The following TRIM58 variants were observed in gnomAD, a reference collection of about 807,000 sequenced individuals.
The protein encoded by TRIM58 is E3 ubiquitin-protein ligase TRIM58.
In TRIM58, 38 loss-of-function variants were observed where a neutral mutation model predicts 34.1. The observed-to-expected ratio is 1.12, with a 90% confidence interval of 0.86 to 1.46. The LOEUF (loss-of-function observed/expected upper bound fraction) is 1.46. TRIM58 is among the 40% of genes most tolerant of loss of function. The pLI is 0.00. For missense variants in TRIM58, 677 were observed against 642.0 expected (o/e 1.05, Z -0.59); for synonymous variants, 273 against 275.7 (o/e 0.99, Z 0.10).
chr1:247,863,970 C>T (rs892675344), intron 2 of TRIM58, among the ~76,000 whole-genome samples: 1 of 152,090 alleles, frequency 6.6e-6, no homozygotes, highest in Non-Finnish European at 1.5e-5. Flanking sequence ...TTCATATTTT[C>T]TCATCTCTCA....
At chr1:247,869,567 TC>T (rs1664012013) in intron 5 of TRIM58, among the ~76,000 whole-genome samples, 1 of 152,196 alleles carries the variant, frequency 6.6e-6, no homozygotes, top group Non-Finnish European at 1.5e-5. Flanking sequence ...AATATATACT[TC>T]CCAGTGTCAT....
intron 5 of TRIM58, among the ~76,000 whole-genome samples, chr1:247,872,341 G>A (rs1259134571): frequency 6.6e-6 from 1 of 152,148 alleles, no homozygotes; most frequent in Admixed American, 6.6e-5. Context: ...ATGTTATTAC[G>A]GAAGGTGCCG....
At chr1:247,857,803 C>A (rs981743689) in intron 1 of TRIM58, 137 bp downstream of exon 1, 3 of 1,149,202 alleles carry the variant, frequency 2.6e-6, no homozygotes, top group East Asian at 3.7e-5. Flanking sequence ...CCGTCCCCCC[C>A]GCCCACGCGG....
chr1:247,868,762 A>G (rs762248994), intron 5 of TRIM58, among the ~76,000 whole-genome samples: 1 of 152,206 alleles, frequency 6.6e-6, no homozygotes, highest in Non-Finnish European at 1.5e-5. Context: ...AGGGCGTTAC[A>G]GAGGCTAGAG....
chr1:247,857,250 G>A lies in TRIM58; in HGVS notation c.4G>A (p.Ala2Thr), dbSNP rs755940222. 9.8e-6 allele frequency: 13 copies of A among 1,324,656 alleles called. No individual in the cohort carries two copies. Among genetic ancestry groups the A allele is most frequent in the Middle Eastern group, 2.5e-4 (1 of 3,942 alleles). The allele number at this position is 1,324,656 out of a possible 1,614,324, so 82.1% of individuals were successfully genotyped here. M[A>T]WAPPGERLRE... Reference sequence around the variant, plus strand: ...GCAGCCCTCCGGGAGGCGGGTCATGGCCTGGGCGCCGCCCGGGGAGCGGCT... The same window carrying A: ...GCAGCCCTCCGGGAGGCGGGTCATGACCTGGGCGCCGCCCGGGGAGCGGCT... Residue 2 changes from alanine (A) to threonine (T), a missense_variant, in exon 1 of 6, where the codon GCC becomes ACC. Transcript: ENST00000366481.
intron 2 of TRIM58, among the ~76,000 whole-genome samples, chr1:247,861,315 T>G (rs764571170): frequency 6.6e-6 from 1 of 152,108 alleles, no homozygotes; most frequent in Non-Finnish European, 1.5e-5. Flanking sequence ...CCTGAGGCGA[T>G]ACCTGCCCCC....
intron 3 of TRIM58, among the ~76,000 whole-genome samples, chr1:247,866,599 C>T (rs1266553419): frequency 2.6e-5 from 4 of 152,112 alleles, no homozygotes; most frequent in South Asian, 4.1e-4. Context: ...AATAAGGTAT[C>T]TTATCTATCT....
intron 5 of TRIM58, among the ~76,000 whole-genome samples, chr1:247,869,779 G>A (rs1659051178): frequency 6.6e-6 from 1 of 152,158 alleles, no homozygotes; most frequent in Non-Finnish European, 1.5e-5. Context: ...AATGTTTGCT[G>A]AAAATCAACT....
intron 1 of TRIM58, among the ~76,000 whole-genome samples, chr1:247,859,342 C>CA (rs1408807990): frequency 6.6e-6 from 1 of 152,068 alleles, no homozygotes. Context: ...TTGTAAACAC[C>CA]AAAACACATG....
At chr1:247,858,345 C>T (rs1236464317) in intron 1 of TRIM58, among the ~76,000 whole-genome samples, 1 of 152,106 alleles carries the variant, frequency 6.6e-6, no homozygotes, top group African/African-American at 2.4e-5. Context: ...GTATTTGGTC[C>T]CCAGAGTGGC....
chr1:247,857,600 C>A lies in TRIM58; in HGVS notation c.354C>A (p.Cys118Ter). 7.9e-7 allele frequency: 1 copy of A among 1,258,914 alleles called. No homozygotes were observed. Among genetic ancestry groups the A allele is most frequent in the Non-Finnish European group, 9.9e-7 (1 of 1,005,326 alleles). 78.0% of individuals were successfully genotyped at this position (1,258,914 alleles called of 1,614,324 possible). The change falls in exon 1 of 6, where the codon TGC (cysteine) becomes TGA (stop). Residue 118 changes from cysteine (C) to a stop codon, truncating the protein, a stop_gained. Transcript: ENST00000366481. LOFTEE classifies it high-confidence loss of function. ...EEDEAALCWV[C>*]DAGPEHRTHR... The stretch of plus-strand genomic sequence containing the variant: ...ACGAGGCGGCGCTGTGCTGGGTGTG[C>A]GACGCCGGCCCCGAGCACAGGACGC...
At chr1:247,864,196 G>C (rs1663862592) in intron 2 of TRIM58, among the ~76,000 whole-genome samples, 1 of 152,086 alleles carries the variant, frequency 6.6e-6, no homozygotes, top group Non-Finnish European at 1.5e-5. Flanking sequence ...CCAGGCTGAA[G>C]TGCAGTGGTG....
chr1:247,875,541 GTCTCTC>G (rs373948554), intron 5 of TRIM58, among the ~76,000 whole-genome samples: 4 of 148,560 alleles, frequency 2.7e-5, no homozygotes, highest in African/African-American at 9.8e-5. Flanking sequence ...CCGTCTCTCT[GTCTCTC>G]TCTCTCTCTC....
intron 1 of TRIM58, 146 bp downstream of exon 1, chr1:247,857,812 G>T (rs1572567128): frequency 8.8e-7 from 1 of 1,131,972 alleles, no homozygotes; most frequent in Admixed American, 4.5e-5. Flanking sequence ...CCGCCCACGC[G>T]GCTCACTCAG....
intron 5 of TRIM58, among the ~76,000 whole-genome samples, chr1:247,874,145 T>C (rs1256276410): frequency 6.6e-6 from 1 of 152,226 alleles, no homozygotes; most frequent in East Asian, 1.9e-4. Context: ...GGCTGGGTAA[T>C]TTATTAATAT....
At chr1:247,867,902 G>A in intron 4 of TRIM58, 35 bp downstream of exon 4, 1 of 1,614,130 alleles carries the variant, frequency 6.2e-7, no homozygotes, top group African/African-American at 1.3e-5. Flanking sequence ...AAGGGATTGG[G>A]AGAGGCAGAG....
At chr1:247,866,630 T>C (rs1180200333) in intron 3 of TRIM58, among the ~76,000 whole-genome samples, 5 of 152,168 alleles carry the variant, frequency 3.3e-5, no homozygotes. Flanking sequence ...AAGGGCAGGA[T>C]CTCACTCTGT....
At chr1:247,873,383 T>C (rs965524811) in intron 5 of TRIM58, among the ~76,000 whole-genome samples, 1 of 152,118 alleles carries the variant, frequency 6.6e-6, no homozygotes, top group South Asian at 2.1e-4. Flanking sequence ...ACAGACCATA[T>C]CAAAAGCCAT....
chr1:247,862,951 C>T (rs1191835931), intron 2 of TRIM58, among the ~76,000 whole-genome samples: 1 of 152,156 alleles, frequency 6.6e-6, no homozygotes, highest in Non-Finnish European at 1.5e-5. Context: ...CCAGGTATGA[C>T]TCTACCCTTC....
Sources: allele counts gnomAD v4.1 joint callset (sites outside exome capture counted in the v4.1 genomes callset), GRCh38; gene constraint gnomAD v4.1.1; transcripts MANE v1.5; gene names NCBI Gene and HGNC (gene_info 2026-07-23, HGNC 2026-07-21).